ITIH5: variants seen among roughly 807,000 people sequenced by gnomAD.
ITIH5 encodes the protein inter-alpha-trypsin inhibitor heavy chain H5.
A neutral mutation model predicts 77.5 loss-of-function variants in ITIH5; 65 were observed. The ratio of observed to expected loss-of-function variants is 0.84; its 90% confidence interval spans 0.69 to 1.03. ITIH5 has a LOEUF of 1.03. Among genes scored for constraint, ITIH5 ranks in the 50% least tolerant of loss-of-function variants. ITIH5 has a pLI of 0.00. For synonymous variants in ITIH5, 525 were observed against 494.3 expected, an observed-to-expected ratio of 1.06 and a Z score of -0.82; for missense variants, 1,208 against 1,213.1, an observed-to-expected ratio of 1.00 and a Z score of 0.06.
chr10:7,563,788 GGAAAGCAGTCAGCTCA>G (rs1186329851), intron 13 of ITIH5, among the ~76,000 whole-genome samples: 1 of 152,246 alleles, frequency 6.6e-6, no homozygotes, highest in Non-Finnish European at 1.5e-5. Context: ...GGGTGGGGGT[GGAAAGCAGTCAGCTCA>G]GATCCTCTCT....
At chr10:7,636,522 T>G (rs1833800293) in intron 5 of ITIH5, among the ~76,000 whole-genome samples, 1 of 152,238 alleles carries the variant, frequency 6.6e-6, no homozygotes, top group Non-Finnish European at 1.5e-5. Flanking sequence ...TTTTCTTCTC[T>G]GCCACATGCT....
chr10:7,657,382 C>T (rs1834205867), intron 1 of ITIH5, among the ~76,000 whole-genome samples: 1 of 151,990 alleles, frequency 6.6e-6, no homozygotes, highest in Admixed American at 6.6e-5. Context: ...AAACTGTTTT[C>T]CAAAGTGGCT....
rs373788153 is a variant in ITIH5 at position 7,563,131 on chromosome 10, T to C, written c.2781A>G (p.Pro927=). 2.5e-6 allele frequency: 4 copies of C among 1,614,036 alleles called. No individual in the cohort carries two copies. Among genetic ancestry groups the C allele is most frequent in the Non-Finnish European group, 3.4e-6 (4 of 1,179,866 alleles). The change falls in exon 14 of 14, where the codon CCA becomes CCG. Residue 927 remains proline (P), a synonymous_variant. Coordinates refer to ENST00000397146, the MANE Select transcript of ITIH5 (RefSeq NM_030569.7). The stretch of plus-strand genomic sequence containing the variant: ...GGCCAAGTGTCATCCCTGTGTCAAA[T>C]GGATGGGATGCCAGGTAATCCTTGT... ...GEYKDYLASH[P]FDTGMTLGRG...
Position 7,617,283 on chromosome 10 carries a change from C to A in ITIH5, c.653-1G>T. The A allele has an allele frequency of 6.5e-7, 1 of 1,530,202 alleles. No homozygotes were observed. Among genetic ancestry groups the A allele is most frequent in the Non-Finnish European group, 8.8e-7 (1 of 1,141,664 alleles). 94.8% of individuals were successfully genotyped at this position (1,530,202 alleles called of 1,614,324 possible). Reference sequence around the variant, plus strand: ...GTAGATGGGGGAGGCCCAGAATCATCTGCAAACAAGATAGAAACATAATTA... The same window carrying A: ...GTAGATGGGGGAGGCCCAGAATCATATGCAAACAAGATAGAAACATAATTA... On this transcript the variant is annotated splice_acceptor_variant, in intron 5 of 13. Transcript: ENST00000397146. LOFTEE classifies it high-confidence loss of function.
In ITIH5 at chr10:7,644,827, TCA is replaced by T. The variant is rs1276527683; in HGVS notation, c.136-2739_136-2738del. ...ATATATCACATATATATCATATATATCACATATATATCACATATATATCACAT... is the reference window on the plus strand; with the variant it reads ...ATATATCACATATATATCATATATATCATATATATCACATATATATCACAT... On this transcript the variant is annotated intron_variant, in intron 2 of 13. Coordinates refer to ENST00000397146, the MANE Select transcript of ITIH5 (RefSeq NM_030569.7). Among the ~76,000 whole-genome samples the T allele has an allele frequency of 7.7e-4, 79 of 102,354 alleles. No homozygotes were observed. In the South Asian group the frequency reaches 0.024, roughly 31 times the overall value. The allele number at this position is 102,354 out of a possible 152,430, so 67.1% of individuals were successfully genotyped here.
At chr10:7,577,134 C>T (rs1277317154) in intron 9 of ITIH5, 122 bp from the exon 10 acceptor site, 1 of 734,666 alleles carries the variant, frequency 1.4e-6, no homozygotes, top group Admixed American at 3.0e-5. Context: ...CAATTGAGTC[C>T]AACATGGCAC....
intron 5 of ITIH5, among the ~76,000 whole-genome samples, chr10:7,627,827 C>CTTTT (rs869139058): frequency 2.0e-4 from 18 of 90,804 alleles, no homozygotes; most frequent in Non-Finnish European, 2.8e-4. Flanking sequence ...TGAAATTAAC[C>CTTTT]TTTTTTTTTT....
Position 7,594,531 on chromosome 10 carries a change from TA to T in ITIH5, c.940-8463del, listed in dbSNP as rs557341279. On this transcript the variant is annotated intron_variant, in intron 7 of 13. Coordinates refer to ENST00000397146, the MANE Select transcript of ITIH5 (RefSeq NM_030569.7). ...GGAAATGTCTTCCCTGGAGATCTTC[TA>T]AAACAGGCATATAAAATGTATGATC... Among the ~76,000 whole-genome samples the T allele has an allele frequency of 4.6e-3, 704 of 152,276 alleles. 6 individuals carry two copies. The highest frequency in any genetic ancestry group is 0.016 in the African/African-American group (672 of 41,564).
chr10:7,565,991 G>A (rs766324691), intron 13 of ITIH5, 39 bp downstream of exon 13: 39 of 1,582,010 alleles, frequency 2.5e-5, no homozygotes, highest in Non-Finnish European at 5.2e-6. Context: ...ATGTAACTCT[G>A]CCCTCTATGC....
intron 13 of ITIH5, 68 bp from the exon 14 acceptor site, chr10:7,563,452 A>G: frequency 7.1e-7 from 1 of 1,411,952 alleles, no homozygotes; most frequent in Non-Finnish European, 9.7e-7. Context: ...CTCCAACTTC[A>G]GAGCTATCAG....
chr10:7,609,465 A>G (rs755164700), intron 7 of ITIH5: 3 of 456,732 alleles, frequency 6.6e-6, no homozygotes, highest in South Asian at 4.6e-5. Context: ...TGGGAACCCA[A>G]TTTTGGACAG....
chr10:7,583,787 G>A lies in ITIH5; in HGVS notation c.1108+2114C>T, dbSNP rs112441261. Among the ~76,000 whole-genome samples, 1,320 of 152,242 alleles carry A rather than the reference G, an allele frequency of 8.7e-3. 13 individuals are homozygous for A. The highest frequency in any genetic ancestry group is 0.025 in the South Asian group (119 of 4,812). On this transcript the variant is annotated intron_variant, in intron 8 of 13. Coordinates refer to ENST00000397146, the MANE Select transcript of ITIH5 (RefSeq NM_030569.7). ...CCAAGGAGAGCACAGGCAGAGGGAC[G>A]GATTAGCTTTCCCGATGGCACACAG...
intron 7 of ITIH5, among the ~76,000 whole-genome samples, chr10:7,610,492 T>C (rs547638480): frequency 3.5e-4 from 54 of 152,348 alleles, no homozygotes; most frequent in Admixed American, 6.5e-4. Flanking sequence ...CAGCAAGGTC[T>C]TTCAGGCCCG....
rs184965095 is a variant in ITIH5 at position 7,559,544 on chromosome 10, A to G, written c.*3539T>C. 2.2e-3 allele frequency: 434 copies of G among 200,250 alleles called. 1 individual carries two copies. Among genetic ancestry groups the G allele is most frequent in the Middle Eastern group, 0.01 (5 of 494 alleles). The allele number at this position is 200,250 out of a possible 1,614,324, so 12.4% of individuals were successfully genotyped here. On this transcript the variant is annotated 3_prime_UTR_variant, in exon 14 of 14. Transcript: ENST00000397146. ...TGTCCTACAGTTCCAAGAGTCCTTT[A>G]AATTTTAATAACAGCATTGTTTGTG...
At chr10:7,566,796 A>G (rs10905184) in intron 12 of ITIH5, among the ~76,000 whole-genome samples, 103 of 2,922 alleles carry the variant, frequency 0.035, 26 homozygotes, top group South Asian at 0.28. Flanking sequence ...AAGAAGAAGA[A>G]GAAGAGGAAG....
At chr10:7,612,971 G>A (rs1020228567) in intron 7 of ITIH5, among the ~76,000 whole-genome samples, 2 of 152,156 alleles carry the variant, frequency 1.3e-5, no homozygotes, top group Non-Finnish European at 2.9e-5. Flanking sequence ...AGGGCCGGGC[G>A]CGGTGGCTCA....
chr10:7,647,623 C>T (rs1277300421), intron 2 of ITIH5, among the ~76,000 whole-genome samples: 11 of 152,182 alleles, frequency 7.2e-5, no homozygotes, highest in African/African-American at 2.4e-4. Context: ...GAGTTTGCAA[C>T]CCCACTTCAG....
chr10:7,571,395 C>CT (rs1832294876), intron 11 of ITIH5: 1 of 152,100 alleles, frequency 6.6e-6, no homozygotes, highest in Non-Finnish European at 1.5e-5. Context: ...CTTCCATACA[C>CT]TTTATTTTTA....
chr10:7,628,872 CGTGTTGTAG>C (rs1833643914), intron 5 of ITIH5, among the ~76,000 whole-genome samples: 2 of 135,832 alleles, frequency 1.5e-5, no homozygotes, highest in African/African-American at 5.5e-5. Flanking sequence ...AGCGTGTGTC[CGTGTTGTAG>C]CGTGTGTCCG....
Sources: gnomAD v4.1 joint callset for allele counts (sites outside exome capture counted in the v4.1 genomes callset) on GRCh38, gnomAD v4.1.1 for gene constraint, MANE v1.5 for transcripts, NCBI Gene and HGNC (gene_info 2026-07-23, HGNC 2026-07-21) for gene names.